Variants in ARHGEF38 observed in about 807,000 individuals in gnomAD.
ARHGEF38 encodes Rho guanine nucleotide exchange factor 38, also known as Rho guanine nucleotide exchange factor (GEF) 38.
In ARHGEF38, 79 loss-of-function variants were observed where a neutral mutation model predicts 79.9. That is an observed-to-expected ratio of 0.99 (90% confidence interval 0.82 to 1.19). The LOEUF is 1.19. Among genes scored for constraint, ARHGEF38 ranks in the 50% most tolerant of loss-of-function variants. The pLI, the probability that ARHGEF38 is intolerant of heterozygous loss-of-function variation, is 0.00. For missense variants in ARHGEF38, 962 were observed against 907.2 expected (o/e 1.06, Z -0.78); for synonymous variants, 366 against 328.3 (o/e 1.11, Z -1.24).
intron 1 of ARHGEF38, among the ~76,000 whole-genome samples, chr4:105,565,812 A>C (rs1294000828): frequency 6.6e-6 from 1 of 152,174 alleles, no homozygotes. Context: ...ACCATGACCC[A>C]GTTAACAAGT....
chr4:105,564,265 A>C (rs1725779832), intron 1 of ARHGEF38, among the ~76,000 whole-genome samples: 3 of 152,234 alleles, frequency 2.0e-5, no homozygotes, highest in African/African-American at 7.2e-5. Context: ...ATGATACATT[A>C]ATATGATACG....
At chr4:105,652,723 TAA>T (rs5860806) in intron 7 of ARHGEF38, among the ~76,000 whole-genome samples, 38 of 151,452 alleles carry the variant, frequency 2.5e-4, no homozygotes, top group African/African-American at 8.9e-4. Context: ...AAACTGCATT[TAA>T]AAAAAAATCT....
chr4:105,618,420 G>A (rs771025285), intron 3 of ARHGEF38, among the ~76,000 whole-genome samples: 46 of 152,202 alleles, frequency 3.0e-4, no homozygotes, highest in Middle Eastern at 3.4e-3. Flanking sequence ...GGCGGATCAC[G>A]AGACCAGCCT....
intron 3 of ARHGEF38, among the ~76,000 whole-genome samples, chr4:105,627,499 T>A (rs2110512526): frequency 6.6e-6 from 1 of 152,362 alleles, no homozygotes; most frequent in Non-Finnish European, 1.5e-5. Context: ...TTTTGGGAAG[T>A]TATTTTTAAT....
intron 8 of ARHGEF38, among the ~76,000 whole-genome samples, chr4:105,655,060 T>C (rs1184672274): frequency 2.6e-5 from 4 of 152,204 alleles, no homozygotes; most frequent in Non-Finnish European, 5.9e-5. Context: ...TGCTATTTTC[T>C]TCCTAAAATG....
intron 2 of ARHGEF38, among the ~76,000 whole-genome samples, chr4:105,607,112 T>C (rs1382296523): frequency 6.6e-6 from 1 of 152,086 alleles, no homozygotes; most frequent in African/African-American, 2.4e-5. Context: ...GGCCGATTCA[T>C]CCAGTGCTCA....
intron 5 of ARHGEF38, among the ~76,000 whole-genome samples, chr4:105,638,078 G>A (rs376823003): frequency 6.6e-6 from 1 of 152,122 alleles, no homozygotes; most frequent in African/African-American, 2.4e-5. Context: ...GCAATGTCAA[G>A]TGCTGTGTAA....
chr4:105,651,586 T>C (rs1242920162), intron 7 of ARHGEF38, among the ~76,000 whole-genome samples: 1 of 152,180 alleles, frequency 6.6e-6, no homozygotes, highest in Non-Finnish European at 1.5e-5. Flanking sequence ...AGACAACATA[T>C]CTGTCACAAA....
chr4:105,558,052 GC>G (rs1040235025), intron 1 of ARHGEF38, among the ~76,000 whole-genome samples: 3 of 152,018 alleles, frequency 2.0e-5, no homozygotes, highest in Admixed American at 6.6e-5. Context: ...TTTTGCAAAG[GC>G]TATTGTATCA....
intron 1 of ARHGEF38, among the ~76,000 whole-genome samples, chr4:105,573,116 G>T (rs1726317405): frequency 6.6e-6 from 1 of 151,996 alleles, no homozygotes; most frequent in Non-Finnish European, 1.5e-5. Flanking sequence ...GTTGAGTTTT[G>T]GAGCTCTTTC....
At chr4:105,682,442 T>C (rs986487783), downstream of ARHGEF38, 4 of 265,642 alleles carry the variant, frequency 1.5e-5, no homozygotes, top group Non-Finnish European at 2.9e-5. Context: ...GAACTATTTC[T>C]TTTTCCTTAA....
intron 3 of ARHGEF38, among the ~76,000 whole-genome samples, chr4:105,624,014 C>T (rs1277954545): frequency 3.9e-5 from 6 of 152,274 alleles, no homozygotes; most frequent in East Asian, 3.9e-4. Context: ...GAGATGATCA[C>T]GACAGGTTCC....
chr4:105,679,620 A>C lies in ARHGEF38; in HGVS notation c.*1683A>C, dbSNP rs573466089. The C allele has an allele frequency of 1.9e-5, 16 of 838,934 alleles. No individual in the cohort carries two copies. The highest frequency in any genetic ancestry group is 2.9e-5 in the Non-Finnish European group (14 of 476,986). The allele number at this position is 838,934 out of a possible 1,614,324, so 52.0% of individuals were successfully genotyped here. ...TGGTTGGAAAAAAATCAACAGCAGC[A>C]TAAGAAATGGAAGCCAGAGACCTTA... On this transcript the variant is annotated 3_prime_UTR_variant, in exon 14 of 14. Transcript: ENST00000420470.
At chr4:105,644,034 CTT>C (rs989704478) in intron 5 of ARHGEF38, among the ~76,000 whole-genome samples, 2 of 151,456 alleles carry the variant, frequency 1.3e-5, no homozygotes, top group African/African-American at 4.9e-5. Flanking sequence ...GCCTGGCTAA[CTT>C]TTGTATTTTT....
intron 13 of ARHGEF38, among the ~76,000 whole-genome samples, chr4:105,674,711 A>G (rs1051080189): frequency 6.6e-6 from 1 of 152,122 alleles, no homozygotes; most frequent in African/African-American, 2.4e-5. Flanking sequence ...ATGATTATCT[A>G]AAGCATTGAA....
intron 7 of ARHGEF38, 132 bp downstream of exon 7, chr4:105,648,814 GTCTCCCTC>G (rs1168035251): frequency 3.8e-6 from 3 of 785,364 alleles, no homozygotes; most frequent in Non-Finnish European, 5.4e-6. Context: ...CTGTTCTCTT[GTCTCCCTC>G]TCTCTCTCTC....
At position 105,648,635 on chromosome 4, in the gene ARHGEF38, A is replaced by G. The variant is rs1426652957; in HGVS notation, c.961A>G (p.Lys321Glu). The G allele has an allele frequency of 1.3e-6, 2 of 1,533,712 alleles. No individual in the cohort carries two copies. The highest frequency in any genetic ancestry group is 2.4e-5 in the South Asian group (2 of 83,584). Residue 321 changes from lysine (K) to glutamate (E), a missense_variant, in exon 7 of 14, where the codon AAA (lysine) becomes GAA (glutamate). Coordinates refer to ENST00000420470, the MANE Select transcript of ARHGEF38 (RefSeq NM_001242729.2). ...TATTCATTCAATTAGCAAGAAATCA[A>G]AAAGAGTGACAAATCATCTGAAGAT... ...LNIHSISKKS[K>E]RVTNHLKILT...
intron 13 of ARHGEF38, among the ~76,000 whole-genome samples, chr4:105,669,540 C>T (rs570584148): frequency 6.6e-6 from 1 of 151,888 alleles, no homozygotes; most frequent in Non-Finnish European, 1.5e-5. Context: ...CTTTCATTAA[C>T]AGTTATTGAT....
chr4:105,651,474 G>T (rs1730102291), intron 7 of ARHGEF38, among the ~76,000 whole-genome samples: 1 of 152,168 alleles, frequency 6.6e-6, no homozygotes, highest in African/African-American at 2.4e-5. Flanking sequence ...GGACTACAAA[G>T]ATGAACAGGT....
Sources: allele counts gnomAD v4.1 joint callset (sites outside exome capture counted in the v4.1 genomes callset), GRCh38; gene constraint gnomAD v4.1.1; transcripts MANE v1.5; gene names NCBI Gene and HGNC (gene_info 2026-07-23, HGNC 2026-07-21).